DENND4A: variants seen among roughly 807,000 people sequenced by gnomAD.
The protein encoded by DENND4A is DENN domain containing 4A, also known as C-myc promoter-binding protein.
In DENND4A, 70 loss-of-function variants were observed where a neutral mutation model predicts 199.3. That is an observed-to-expected ratio of 0.35 (90% CI 0.29 to 0.43). DENND4A has a LOEUF of 0.43. DENND4A is among the 20% of genes least tolerant of loss of function. The pLI is 1.00. For missense variants in DENND4A, 1,723 were observed against 2,255.8 expected, an observed-to-expected ratio of 0.76 and a Z score of 4.78; for synonymous variants, 686 against 766.9, an observed-to-expected ratio of 0.89 and a Z score of 1.74.
intron 12 of DENND4A, among the ~76,000 whole-genome samples, chr15:65,721,986 A>G (rs750596209): frequency 1.3e-5 from 2 of 152,196 alleles, no homozygotes; most frequent in African/African-American, 2.4e-5. Context: ...CATTTTGATT[A>G]ATTTCTTAAT....
intron 4 of DENND4A, among the ~76,000 whole-genome samples, chr15:65,748,039 CAAAAAAAAAAAAAAA>C (rs34813076): frequency 5.5e-5 from 3 of 54,380 alleles, no homozygotes; most frequent in East Asian, 5.1e-4. Context: ...TACTCCGTCT[CAAAAAAAAAAAAAAA>C]AAAAAAAAAG....
intron 20 of DENND4A, among the ~76,000 whole-genome samples, chr15:65,699,215 T>C (rs1161606607): frequency 6.6e-6 from 1 of 152,148 alleles, no homozygotes; most frequent in Non-Finnish European, 1.5e-5. Context: ...TTACATTTAT[T>C]AAACTTTAGG....
intron 5 of DENND4A, among the ~76,000 whole-genome samples, chr15:65,740,782 A>G (rs1421149163): frequency 6.6e-6 from 1 of 151,832 alleles, no homozygotes; most frequent in Non-Finnish European, 1.5e-5. Context: ...GCAACCTAAG[A>G]AAGACCCTGT....
intron 11 of DENND4A, among the ~76,000 whole-genome samples, chr15:65,724,133 C>G (rs2075731140): frequency 6.6e-6 from 1 of 152,074 alleles, no homozygotes; most frequent in African/African-American, 2.4e-5. Context: ...TCACGGCTCA[C>G]TGCAGTCTTA....
chr15:65,693,229 T>C (rs1021843197), intron 22 of DENND4A, among the ~76,000 whole-genome samples: 2 of 152,044 alleles, frequency 1.3e-5, no homozygotes, highest in African/African-American at 4.8e-5. Flanking sequence ...TAAGGTATAG[T>C]TTTTGAGGGT....
chr15:65,784,157 TGAGGGACATTCTA>T (rs2077505342), intron 1 of DENND4A, among the ~76,000 whole-genome samples: 2 of 152,090 alleles, frequency 1.3e-5, no homozygotes, highest in Admixed American at 6.5e-5. Context: ...AAACCCAAAC[TGAGGGACATTCTA>T]CAAAATCCCT....
At chr15:65,750,187 G>A (rs948527053) in intron 4 of DENND4A, among the ~76,000 whole-genome samples, 11 of 152,098 alleles carry the variant, frequency 7.2e-5, no homozygotes, top group African/African-American at 2.7e-4. Context: ...GTGCAGCAAC[G>A]TGGATGCAGC....
intron 23 of DENND4A, among the ~76,000 whole-genome samples, chr15:65,688,434 T>C (rs2076865863): frequency 6.6e-6 from 1 of 152,204 alleles, no homozygotes; most frequent in South Asian, 2.1e-4. Flanking sequence ...ACACTGAATA[T>C]TATGTTATGT....
At chr15:65,777,763 C>T (rs2077320617) in intron 1 of DENND4A, among the ~76,000 whole-genome samples, 1 of 152,170 alleles carries the variant, frequency 6.6e-6, no homozygotes, top group African/African-American at 2.4e-5. Flanking sequence ...AGGCTGGGCA[C>T]AGTGGCTCAC....
chr15:65,682,304 C>T (rs945154397), intron 23 of DENND4A, among the ~76,000 whole-genome samples: 1 of 152,166 alleles, frequency 6.6e-6, no homozygotes, highest in African/African-American at 2.4e-5. Flanking sequence ...ACATAGGTCT[C>T]GGGGATAATT....
Position 65,660,548 on chromosome 15 carries a change from A to C in DENND4A, c.*1303T>G. The stretch of plus-strand genomic sequence containing the variant: ...ATCTATAACTAATTCTAGCAGCCAA[A>C]AGATGTTTTTCCTTACCAGAAATTA... On this transcript the variant is annotated 3_prime_UTR_variant, in exon 33 of 33. Transcript: ENST00000443035. 1 of 396,136 alleles carries C rather than the reference A, an allele frequency of 2.5e-6. No individual in the cohort carries two copies. Among genetic ancestry groups the C allele is most frequent in the East Asian group, 3.6e-5 (1 of 27,416 alleles). 24.5% of individuals were successfully genotyped at this position (396,136 alleles called of 1,614,324 possible).
At chr15:65,740,128 C>A (rs1427498474) in intron 5 of DENND4A, among the ~76,000 whole-genome samples, 2 of 151,936 alleles carry the variant, frequency 1.3e-5, no homozygotes, top group East Asian at 3.9e-4. Flanking sequence ...TTGCAGTGAG[C>A]CAAGATCGTG....
chr15:65,766,124 G>A (rs1041818883), intron 1 of DENND4A, among the ~76,000 whole-genome samples: 3 of 151,796 alleles, frequency 2.0e-5, no homozygotes, highest in South Asian at 4.1e-4. Flanking sequence ...GGTGGTGCAC[G>A]CCTGTAGTCC....
At chr15:65,664,843 TAAAG>T (rs1293326157) in intron 30 of DENND4A, 121 bp from the exon 31 acceptor site, 12 of 835,912 alleles carry the variant, frequency 1.4e-5, no homozygotes, top group East Asian at 5.6e-5. Flanking sequence ...GGGCAATAGA[TAAAG>T]AAATAGGAAT....
intron 1 of DENND4A, among the ~76,000 whole-genome samples, chr15:65,786,291 G>T (rs757047399): frequency 6.6e-6 from 1 of 151,994 alleles, no homozygotes; most frequent in African/African-American, 2.4e-5. Context: ...AGGATTGAGG[G>T]CAGAAAAAAA....
intron 1 of DENND4A, among the ~76,000 whole-genome samples, chr15:65,778,281 T>G (rs894294221): frequency 2.0e-5 from 3 of 151,998 alleles, no homozygotes; most frequent in Non-Finnish European, 4.4e-5. Flanking sequence ...TTACTACAAT[T>G]TTGACCAAAA....
intron 9 of DENND4A, chr15:65,731,403 A>G (rs771327272): frequency 9.3e-6 from 5 of 536,960 alleles, no homozygotes; most frequent in African/African-American, 1.9e-5. Flanking sequence ...ACACACACAC[A>G]CTTACACAAT....
intron 23 of DENND4A, among the ~76,000 whole-genome samples, chr15:65,679,226 CG>C (rs1419276866): frequency 6.6e-6 from 1 of 152,002 alleles, no homozygotes; most frequent in Non-Finnish European, 1.5e-5. Context: ...CTCAGCCTCC[CG>C]GGTAGCTGGG....
intron 24 of DENND4A, among the ~76,000 whole-genome samples, chr15:65,674,332 TTAGAAG>T (rs2076305432): frequency 2.0e-5 from 3 of 152,134 alleles, no homozygotes; most frequent in Non-Finnish European, 4.4e-5. Flanking sequence ...ATCTATGGTG[TTAGAAG>T]TTAATGTTTA....
Sources: allele counts gnomAD v4.1 joint callset (sites outside exome capture counted in the v4.1 genomes callset), GRCh38; gene constraint gnomAD v4.1.1; transcripts MANE v1.5; gene names NCBI Gene and HGNC (gene_info 2026-07-23, HGNC 2026-07-21).